EXOC4: variants seen among roughly 807,000 people sequenced by gnomAD.
EXOC4 encodes SEC8-like 1.
A neutral mutation model predicts 107.2 loss-of-function variants in EXOC4; 71 were observed. That is an observed-to-expected ratio of 0.66 (90% confidence interval 0.55 to 0.81). The LOEUF is 0.81. EXOC4 is among the 30% of genes least tolerant of loss of function. The pLI is 0.00. For missense variants in EXOC4, 1,108 were observed against 1,189.6 expected, an observed-to-expected ratio of 0.93 and a Z score of 1.01; for synonymous variants, 456 against 441.2, an observed-to-expected ratio of 1.03 and a Z score of -0.42.
At chr7:133,738,404 A>G (rs1391043063) in intron 10 of EXOC4, among the ~76,000 whole-genome samples, 1 of 152,220 alleles carries the variant, frequency 6.6e-6, no homozygotes, top group South Asian at 2.1e-4. Flanking sequence ...TGGAAATAGC[A>G]TGGTGCTTAC....
intron 10 of EXOC4, among the ~76,000 whole-genome samples, chr7:133,706,135 T>G (rs150939314): frequency 1.3e-5 from 2 of 152,322 alleles, no homozygotes; most frequent in East Asian, 3.9e-4. Flanking sequence ...CCAGCGAGTT[T>G]GAATTAATGT....
intron 14 of EXOC4, among the ~76,000 whole-genome samples, chr7:133,943,156 C>G (rs1194215244): frequency 6.6e-6 from 1 of 152,140 alleles, no homozygotes; most frequent in Non-Finnish European, 1.5e-5. Context: ...ACAGAAAGTT[C>G]TGTTGGCCAG....
At chr7:133,751,967 A>C (rs1258243325) in intron 10 of EXOC4, among the ~76,000 whole-genome samples, 1 of 142,604 alleles carries the variant, frequency 7.0e-6, no homozygotes, top group Non-Finnish European at 1.6e-5. Context: ...CAACATAGTG[A>C]GACTATCTCT....
intron 7 of EXOC4, among the ~76,000 whole-genome samples, chr7:133,437,845 T>G (rs1798011081): frequency 6.6e-6 from 1 of 152,200 alleles, no homozygotes; most frequent in Non-Finnish European, 1.5e-5. Flanking sequence ...TCTTTTTCAT[T>G]TTTCTTGTCA....
intron 15 of EXOC4, among the ~76,000 whole-genome samples, chr7:134,003,485 G>A (rs1236566920): frequency 2.6e-5 from 4 of 152,168 alleles, no homozygotes; most frequent in African/African-American, 9.7e-5. Context: ...AAGATGACAG[G>A]CAAAGCGTGG....
At chr7:133,509,709 CTT>C (rs2150896910) in intron 9 of EXOC4, among the ~76,000 whole-genome samples, 1 of 152,276 alleles carries the variant, frequency 6.6e-6, no homozygotes, top group East Asian at 1.9e-4. Flanking sequence ...AAATGTCTCT[CTT>C]GTTTAACCAG....
chr7:133,656,682 A>C (rs1172166299), intron 10 of EXOC4, among the ~76,000 whole-genome samples: 1 of 152,206 alleles, frequency 6.6e-6, no homozygotes, highest in African/African-American at 2.4e-5. Flanking sequence ...TAAGCAGAAA[A>C]TATTTCCAGA....
At chr7:133,779,455 TCTTACTTCA>T (rs1796414330) in intron 10 of EXOC4, among the ~76,000 whole-genome samples, 1 of 152,224 alleles carries the variant, frequency 6.6e-6, no homozygotes, top group South Asian at 2.1e-4. Flanking sequence ...TTGAAACTTT[TCTTACTTCA>T]AGTAGGCCTT....
At chr7:133,743,655 A>ACC (rs11396657) in intron 10 of EXOC4, among the ~76,000 whole-genome samples, 86 of 151,858 alleles carry the variant, frequency 5.7e-4, no homozygotes, top group African/African-American at 8.0e-4. Flanking sequence ...ATTAGTCAAA[A>ACC]CCCCCCCATG....
intron 10 of EXOC4, among the ~76,000 whole-genome samples, chr7:133,639,550 A>G (rs1159018769): frequency 2.0e-5 from 3 of 152,172 alleles, no homozygotes; most frequent in Non-Finnish European, 2.9e-5. Context: ...TTATTAACCG[A>G]GAAAGGAAAC....
At chr7:133,840,671 C>T (rs1224085309) in intron 11 of EXOC4, among the ~76,000 whole-genome samples, 1 of 151,628 alleles carries the variant, frequency 6.6e-6, no homozygotes, top group Non-Finnish European at 1.5e-5. Flanking sequence ...TTAGTAGAGA[C>T]GGAGTTTCAC....
At chr7:133,577,668 T>C (rs1801161835) in intron 9 of EXOC4, among the ~76,000 whole-genome samples, 1 of 152,138 alleles carries the variant, frequency 6.6e-6, no homozygotes, top group Admixed American at 6.6e-5. Context: ...ATATCAAGGG[T>C]ATGCTCTTTG....
chr7:134,072,431 C>T, the EXOC4 span, among the ~76,000 whole-genome samples: 4 of 152,076 alleles, frequency 2.6e-5, no homozygotes, highest in South Asian at 4.2e-4. Flanking sequence ...CTCGCTGTAT[C>T]GCCCAGCCTG....
Position 133,994,167 on chromosome 7 carries a change from A to G in EXOC4, c.2207-3325A>G, listed in dbSNP as rs565048342. ...TTATGATGTTCCCCTCCCTGTGCCC[A>G]TGTGTTCTCACTGTTCAACTCCCAC... On this transcript the variant is annotated intron_variant, in intron 14 of 17. Coordinates refer to ENST00000253861, the MANE Select transcript of EXOC4 (RefSeq NM_021807.4). Among the ~76,000 whole-genome samples the G allele has an allele frequency of 2.0e-5, 3 of 152,280 alleles. No individual in the cohort carries two copies. In the South Asian group the frequency reaches 6.2e-4, roughly 32 times the overall value.
At chr7:133,854,035 G>A (rs1041187438) in intron 11 of EXOC4, among the ~76,000 whole-genome samples, 5 of 152,176 alleles carry the variant, frequency 3.3e-5, no homozygotes, top group Non-Finnish European at 5.9e-5. Flanking sequence ...CCAAGTGGAT[G>A]TGGTGCCCAG....
intron 17 of EXOC4, among the ~76,000 whole-genome samples, chr7:134,038,641 T>A (rs1049372536): frequency 4.6e-5 from 7 of 152,194 alleles, no homozygotes; most frequent in Admixed American, 6.5e-5. Context: ...ATTTTTATTT[T>A]ACTTCTCCTG....
At chr7:134,080,203 T>C in the EXOC4 span, among the ~76,000 whole-genome samples, 1 of 152,138 alleles carries the variant, frequency 6.6e-6, no homozygotes, top group Admixed American at 6.5e-5. Flanking sequence ...CTAAAATGTA[T>C]CTCAAACCCA....
At chr7:133,282,348 G>C (rs924194882) in intron 2 of EXOC4, among the ~76,000 whole-genome samples, 1 of 152,168 alleles carries the variant, frequency 6.6e-6, no homozygotes, top group African/African-American at 2.4e-5. Flanking sequence ...GAGCAACTGT[G>C]AAGTTACTAA....
At chr7:133,762,136 T>A (rs1463218882) in intron 10 of EXOC4, among the ~76,000 whole-genome samples, 1 of 152,150 alleles carries the variant, frequency 6.6e-6, no homozygotes, top group Non-Finnish European at 1.5e-5. Context: ...GAGATATGTA[T>A]TTTTTTCTTT....
Sources: allele counts gnomAD v4.1 joint callset (sites outside exome capture counted in the v4.1 genomes callset), GRCh38; gene constraint gnomAD v4.1.1; transcripts MANE v1.5; gene names NCBI Gene and HGNC (gene_info 2026-07-23, HGNC 2026-07-21).